Variants in LPP observed in about 807,000 individuals in gnomAD.
The protein encoded by LPP is lipoma-preferred partner.
In LPP, 38 loss-of-function variants were observed where a neutral mutation model predicts 60.4. That is an observed-to-expected ratio of 0.63 (90% CI 0.49 to 0.83). The LOEUF is 0.83. Among genes scored for constraint, LPP ranks in the 40% least tolerant of loss-of-function variants. The probability of loss-of-function intolerance (pLI) is 0.00; values close to 1 mark genes in which losing one functional copy is unlikely to be tolerated. For missense variants in LPP, 902 were observed against 783.6 expected (o/e 1.15, Z -1.80); for synonymous variants, 328 against 290.8 (o/e 1.13, Z -1.30).
At chr3:188,449,513 T>C (rs1796102462) in intron 4 of LPP, among the ~76,000 whole-genome samples, 1 of 152,116 alleles carries the variant, frequency 6.6e-6, no homozygotes, top group South Asian at 2.1e-4. Flanking sequence ...TATAATAATC[T>C]CACAACAAAC....
In LPP at chr3:188,182,688, A is replaced by C. The variant is rs1230866677; in HGVS notation, c.-190+28436A>C. Among the ~76,000 whole-genome samples the C allele has an allele frequency of 6.6e-6, 1 of 151,570 alleles. No homozygotes were observed. Among genetic ancestry groups the C allele is most frequent in the Non-Finnish European group, 1.5e-5 (1 of 67,950 alleles). The stretch of plus-strand genomic sequence containing the variant: ...AACATAGGGATCTTTAAGTCCAGTG[A>C]TTTTTAACCAGCTAAAGAATTGAAT... On this transcript the variant is annotated intron_variant, in intron 1 of 11. Coordinates refer to ENST00000617246, the MANE Select transcript of LPP (RefSeq NM_001375462.1). This position sits in a 1 kb window ranked among gnomAD's most constrained non-coding sequence, Gnocchi z 4.4.
intron 4 of LPP, among the ~76,000 whole-genome samples, chr3:188,457,769 C>A (rs961729986): frequency 1.3e-5 from 2 of 149,966 alleles, no homozygotes; most frequent in Admixed American, 6.7e-5. Flanking sequence ...ATTAGCCAGG[C>A]GTGGTGGCAC....
At chr3:188,785,547 T>TATATATATATATATATACAC (rs1206082559) in intron 9 of LPP, among the ~76,000 whole-genome samples, 14 of 43,844 alleles carry the variant, frequency 3.2e-4, no homozygotes, top group South Asian at 1.2e-3. Flanking sequence ...TATATATATA[T>TATATATATATATATATACAC]ACACACACAC....
chr3:188,302,189 C>T (rs1750113561), intron 2 of LPP, among the ~76,000 whole-genome samples: 1 of 152,110 alleles, frequency 6.6e-6, no homozygotes, highest in African/African-American at 2.4e-5. Context: ...ATTCTCCCAT[C>T]CTTCCTTCAA....
intron 8 of LPP, among the ~76,000 whole-genome samples, chr3:188,731,861 C>T (rs779599412): frequency 6.6e-6 from 1 of 152,146 alleles, no homozygotes; most frequent in African/African-American, 2.4e-5. Flanking sequence ...CTCCTCCTTT[C>T]TTCCTTCATG....
intron 3 of LPP, among the ~76,000 whole-genome samples, chr3:188,365,123 T>A (rs1188992771): frequency 6.6e-6 from 1 of 151,988 alleles, no homozygotes; most frequent in East Asian, 1.9e-4. Context: ...AGCGCTTTTT[T>A]TTTTTTTTCT....
chr3:188,825,263 CTCTCTCTGTGTG>C (rs1441200696), intron 9 of LPP, among the ~76,000 whole-genome samples: 1 of 103,496 alleles, frequency 9.7e-6, no homozygotes. Context: ...CTCTCTCTCT[CTCTCTCTGTGTG>C]TGTGTGTGTG....
intron 7 of LPP, among the ~76,000 whole-genome samples, chr3:188,698,130 T>G (rs1863665846): frequency 6.6e-6 from 1 of 151,744 alleles, no homozygotes. Context: ...TTCCCGACAT[T>G]AGAGCAACTA....
chr3:188,475,677 C>G (rs1485406153), intron 4 of LPP, among the ~76,000 whole-genome samples: 1 of 151,842 alleles, frequency 6.6e-6, no homozygotes, highest in Non-Finnish European at 1.5e-5. Flanking sequence ...CCGAGGCGGG[C>G]GGATCACGAG....
intron 9 of LPP, among the ~76,000 whole-genome samples, chr3:188,762,988 C>A (rs1006110536): frequency 6.6e-6 from 1 of 152,048 alleles, no homozygotes; most frequent in Admixed American, 6.6e-5. Context: ...TTTATATGTC[C>A]AATAAGCTGC....
At chr3:188,154,433 G>C (rs1005215420) in intron 1 of LPP, among the ~76,000 whole-genome samples, 181 bp downstream of exon 1, 1 of 152,112 alleles carries the variant, frequency 6.6e-6, no homozygotes, top group African/African-American at 2.4e-5. Flanking sequence ...CACGCCATGG[G>C]GGAGGGGGAC....
chr3:188,791,109 A>G (rs1469035477), intron 9 of LPP, among the ~76,000 whole-genome samples: 2 of 152,182 alleles, frequency 1.3e-5, no homozygotes, highest in Non-Finnish European at 2.9e-5. Context: ...TCTGTCAGCA[A>G]TCATGAAATG....
chr3:188,313,636 CAA>C (rs57034070), intron 2 of LPP, among the ~76,000 whole-genome samples: 3,732 of 114,888 alleles, frequency 0.032, 92 homozygotes, highest in African/African-American at 0.078. Context: ...GACTCCGTCT[CAA>C]AAAAAAAAAA....
intron 6 of LPP, among the ~76,000 whole-genome samples, chr3:188,546,225 C>G (rs139840344): frequency 0.014 from 2,115 of 152,212 alleles, 25 homozygotes; most frequent in South Asian, 0.049. Context: ...CAAAACCAGG[C>G]AATCTAGTTC....
chr3:188,363,641 T>TCC (rs1770196290), intron 3 of LPP, among the ~76,000 whole-genome samples: 2 of 152,126 alleles, frequency 1.3e-5, no homozygotes, highest in African/African-American at 4.8e-5. Context: ...GCGCAGTGGC[T>TCC]CAAGCCTGTA....
chr3:188,436,869 G>A (rs973402985), intron 4 of LPP, among the ~76,000 whole-genome samples: 9 of 152,100 alleles, frequency 5.9e-5, no homozygotes, highest in Non-Finnish European at 1.3e-4. Flanking sequence ...GAGTGGGGTT[G>A]GGGTGTGGGG....
intron 5 of LPP, among the ~76,000 whole-genome samples, chr3:188,495,083 T>TATATATATATATATATATATATATATTTA (rs57578460): frequency 2.3e-4 from 18 of 77,778 alleles, no homozygotes; most frequent in East Asian, 1.1e-3. Flanking sequence ...TATATATATA[T>TATATATATATATATATATATATATATTTA]TTTATTTATA....
intron 2 of LPP, among the ~76,000 whole-genome samples, chr3:188,250,212 T>C (rs186190949): frequency 6.6e-6 from 1 of 152,312 alleles, no homozygotes; most frequent in Non-Finnish European, 1.5e-5. Flanking sequence ...ATTTGGAACA[T>C]TTCCACAGCC....
intron 7 of LPP, among the ~76,000 whole-genome samples, chr3:188,688,258 C>T (rs1240029089): frequency 6.6e-6 from 1 of 152,184 alleles, no homozygotes; most frequent in East Asian, 1.9e-4. Flanking sequence ...TAATTAATAG[C>T]AAAAGAGGAT....
Sources: gnomAD v4.1 joint callset for allele counts (sites outside exome capture counted in the v4.1 genomes callset) on GRCh38, gnomAD v4.1.1 for gene constraint, Gnocchi (gnomAD v3.1) non-coding constraint, MANE v1.5 for transcripts, NCBI Gene and HGNC (gene_info 2026-07-23, HGNC 2026-07-21) for gene names.